The following CTBS variants were observed in gnomAD, a reference collection of about 807,000 sequenced individuals.
CTBS encodes chitobiase.
CTBS carries 35 observed loss-of-function variants against 44.3 expected under a neutral mutation model. That is an observed-to-expected ratio of 0.79 (90% CI 0.60 to 1.05). The LOEUF (loss-of-function observed/expected upper bound fraction) is 1.05. Among genes scored for constraint, CTBS ranks in the 50% least tolerant of loss-of-function variants. The probability of loss-of-function intolerance (pLI) is 0.00; values close to 1 mark genes in which losing one functional copy is unlikely to be tolerated. For synonymous variants in CTBS, 143 were observed against 168.0 expected, an observed-to-expected ratio of 0.85 and a Z score of 1.15; for missense variants, 458 against 475.3, an observed-to-expected ratio of 0.96 and a Z score of 0.34.
At chr1:84,560,341 CT>C (rs1303728919) in intron 6 of CTBS, among the ~76,000 whole-genome samples, 12 of 152,076 alleles carry the variant, frequency 7.9e-5, no homozygotes. Context: ...AGAAGAAATC[CT>C]TCACAGAGAG....
rs963836864 is a variant in CTBS, at chr1:84,553,694, C to T, written c.*1305G>A. The T allele has an allele frequency of 6.6e-6, 1 of 152,050 alleles. No individual in the cohort carries two copies. The highest frequency in any genetic ancestry group is 6.6e-5 in the Admixed American group (1 of 15,264). The allele number at this position is 152,050 out of a possible 1,614,324, so 9.4% of individuals were successfully genotyped here. On this transcript the variant is annotated 3_prime_UTR_variant, in exon 7 of 7. Coordinates refer to ENST00000370630, the MANE Select transcript of CTBS (RefSeq NM_004388.3). The stretch of plus-strand genomic sequence containing the variant: ...ACATATACTATGAAAATGGTTTTTA[C>T]TCTGTCACAAACAATTGTGTAAATA...
intron 3 of CTBS, among the ~76,000 whole-genome samples, chr1:84,568,121 A>C (rs1040955305): frequency 1.3e-5 from 2 of 152,230 alleles, no homozygotes; most frequent in Admixed American, 6.5e-5. Context: ...TGAACTTGAC[A>C]TGTAGCCCAA....
intron 6 of CTBS, among the ~76,000 whole-genome samples, chr1:84,557,180 T>C (rs930453602): frequency 6.6e-6 from 1 of 151,918 alleles, no homozygotes; most frequent in African/African-American, 2.4e-5. Flanking sequence ...CCCAATAGAG[T>C]GATTCTCTTC....
In CTBS at chr1:84,574,313, G is replaced by A. The variant is rs1440677584; in HGVS notation, c.103C>T (p.Leu35Phe). The change falls in exon 1 of 7, where the codon CTC becomes TTC. Residue 35 changes from leucine (L) to phenylalanine (F), a missense_variant. Leu to Phe is a conservative substitution (Grantham distance 22). Transcript: ENST00000370630. ...CATGGGCAGTCGGTCCCGGCCGCGA[G>A]CCGCAGCGCCAGCAGCGCCAGCAGC... ...LALLALLALR[L>F]AAGTDCPCPE... 6.5e-7 allele frequency: 1 copy of A among 1,550,376 alleles called. No individual in the cohort carries two copies. The highest frequency in any genetic ancestry group is 1.7e-5 in the African/African-American group (1 of 60,562).
In CTBS at chr1:84,569,988, T is replaced by G. The variant is rs760689469; in HGVS notation, c.468A>C (p.Leu156Phe). The G allele has an allele frequency of 6.2e-7, 1 of 1,613,366 alleles. No individual in the cohort carries two copies. Among genetic ancestry groups the G allele is most frequent in the South Asian group, 1.1e-5 (1 of 91,038 alleles). The change falls in exon 3 of 7, where the codon TTA (leucine) becomes TTC (phenylalanine). Residue 156 changes from leucine (L) to phenylalanine (F), a missense_variant. By Grantham distance (22) the Leu-to-Phe change is conservative. Transcript: ENST00000370630. ...VNCLSPEYDA[L>F]TALVKETTDS... ...CTGTAGTTTCTTTGACTAAAGCAGTTAATGCATCATATTCAGGTGATAAAC... is the reference window on the plus strand; with the variant it reads ...CTGTAGTTTCTTTGACTAAAGCAGTGAATGCATCATATTCAGGTGATAAAC...
chr1:84,558,818 T>C (rs1369027787), intron 6 of CTBS, among the ~76,000 whole-genome samples: 1 of 151,970 alleles, frequency 6.6e-6, no homozygotes, highest in Non-Finnish European at 1.5e-5. Flanking sequence ...GGAGGATTGC[T>C]TGAGCCCAAG....
At position 84,553,124 on chromosome 1, in the gene CTBS, G is replaced by T; in HGVS notation, c.*1875C>A. 1 of 1,450,460 alleles carries T rather than the reference G, an allele frequency of 6.9e-7. No individual in the cohort carries two copies. Among genetic ancestry groups the T allele is most frequent in the South Asian group, 1.4e-5 (1 of 73,752 alleles). 89.8% of individuals were successfully genotyped at this position (1,450,460 alleles called of 1,614,324 possible). On this transcript the variant is annotated 3_prime_UTR_variant, in exon 7 of 7. Coordinates refer to ENST00000370630, the MANE Select transcript of CTBS (RefSeq NM_004388.3). The stretch of plus-strand genomic sequence containing the variant: ...TAATACATCTCTACAATCTCAATTA[G>T]GTATGTTAATTTAAAACTTTTATTT...
chr1:84,562,419 A>T (rs1477358219), intron 6 of CTBS, among the ~76,000 whole-genome samples: 1 of 152,238 alleles, frequency 6.6e-6, no homozygotes, highest in African/African-American at 2.4e-5. Context: ...ACACATGTAT[A>T]TCAATTATAA....
chr1:84,573,286 GC>G (rs1647371156), intron 1 of CTBS, among the ~76,000 whole-genome samples: 1 of 152,176 alleles, frequency 6.6e-6, no homozygotes, highest in Non-Finnish European at 1.5e-5. Flanking sequence ...GCCTATAAAA[GC>G]CCATGCTACT....
At chr1:84,563,619 T>C in intron 5 of CTBS, 116 bp downstream of exon 5, 1 of 695,344 alleles carries the variant, frequency 1.4e-6, no homozygotes, top group African/African-American at 1.9e-5. Context: ...AATAAATAAT[T>C]TTTATCTCAA....
At chr1:84,557,828 AGCGTGG>A (rs1272188001) in intron 6 of CTBS, among the ~76,000 whole-genome samples, 2 of 150,964 alleles carry the variant, frequency 1.3e-5, no homozygotes, top group Non-Finnish European at 2.9e-5. Flanking sequence ...ACTGCACACC[AGCGTGG>A]GCGACATAGT....
chr1:84,556,918 A>G (rs1420882937), intron 6 of CTBS, among the ~76,000 whole-genome samples: 2 of 152,206 alleles, frequency 1.3e-5, no homozygotes, highest in South Asian at 2.1e-4. Flanking sequence ...GGCAACTTGT[A>G]GAACTTGTAC....
At position 84,563,278 on chromosome 1, in the gene CTBS, C is replaced by T. The variant is rs753024473; in HGVS notation, c.936G>A (p.Arg312=). ...ISGNLWDKDQ[R]APYYNYKDPA... The stretch of plus-strand genomic sequence containing the variant: ...TTACTTTATAGTTATAATAAGGAGC[C>T]CGCTGATCTTTATCCCATAGGTTTC... Residue 312 remains arginine (R), a synonymous_variant, in exon 6 of 7, where the codon CGG becomes CGA. Coordinates refer to ENST00000370630, the MANE Select transcript of CTBS (RefSeq NM_004388.3). 10 of 1,565,890 alleles carry T rather than the reference C, an allele frequency of 6.4e-6. No individual in the cohort carries two copies. In the South Asian group the frequency reaches 8.3e-5, roughly 13 times the overall value.
At position 84,554,929 on chromosome 1, in the gene CTBS, A is replaced by C. The variant is rs945962764; in HGVS notation, c.*70T>G. 16 of 1,243,488 alleles carry C rather than the reference A, an allele frequency of 1.3e-5. No individual in the cohort carries two copies. The highest frequency in any genetic ancestry group is 1.1e-6 in the Non-Finnish European group (1 of 878,112). 77.0% of individuals were successfully genotyped at this position (1,243,488 alleles called of 1,614,324 possible). On this transcript the variant is annotated 3_prime_UTR_variant, in exon 7 of 7. Coordinates refer to ENST00000370630, the MANE Select transcript of CTBS (RefSeq NM_004388.3). ...TAACAAAAGTATATAGCAACATAAT[A>C]AAAATGCAAGAAACTAGATCTGTTG...
rs1684267756 is a variant in CTBS at position 84,551,401 on chromosome 1, G to A, written c.*3598C>T. On this transcript the variant is annotated 3_prime_UTR_variant, in exon 7 of 7. Coordinates refer to ENST00000370630, the MANE Select transcript of CTBS (RefSeq NM_004388.3). Reference sequence around the variant, plus strand: ...AATAAAATTTAAAAATAAAAAAATAGAATTAGCACTGTCCAACAGAACTTA... The same window carrying A: ...AATAAAATTTAAAAATAAAAAAATAAAATTAGCACTGTCCAACAGAACTTA... 1 of 589,212 alleles carries A rather than the reference G, an allele frequency of 1.7e-6. No individual in the cohort carries two copies. Among genetic ancestry groups the A allele is most frequent in the Admixed American group, 6.3e-5 (1 of 15,750 alleles). 36.5% of individuals were successfully genotyped at this position (589,212 alleles called of 1,614,324 possible). A position where few individuals can be genotyped will look rare whatever the true frequency, so the allele number is the denominator to read the frequency against.
At chr1:84,557,759 A>G (rs1239295862) in intron 6 of CTBS, among the ~76,000 whole-genome samples, 4 of 145,934 alleles carry the variant, frequency 2.7e-5, no homozygotes, top group African/African-American at 7.6e-5. Flanking sequence ...TTGGGAGGCT[A>G]AGGCAGGAGA....
intron 6 of CTBS, among the ~76,000 whole-genome samples, chr1:84,562,799 A>G (rs1472572404): frequency 6.6e-6 from 1 of 152,148 alleles, no homozygotes; most frequent in Non-Finnish European, 1.5e-5. Flanking sequence ...TGAAAATGAT[A>G]GTTTTTCCAT....
chr1:84,570,875 AG>A lies in CTBS; in HGVS notation c.178-156del, dbSNP rs548227679. 1.9e-3 allele frequency among the ~76,000 whole-genome samples: 282 copies of A among 152,314 alleles called. 1 individual carries two copies. The highest frequency in any genetic ancestry group is 6.2e-3 in the African/African-American group (257 of 41,578). ...TAGGGGTCCCAAGATAATTGGTGGC[AG>A]GGGTAATTAGCCAGGCTGGGAAAGA... On this transcript the variant is annotated intron_variant, in intron 1 of 6. Transcript: ENST00000370630.
chr1:84,573,448 C>A (rs1362790323), intron 1 of CTBS, among the ~76,000 whole-genome samples: 4 of 152,214 alleles, frequency 2.6e-5, no homozygotes, highest in African/African-American at 9.6e-5. Context: ...TCCATAAACA[C>A]TTTCACCATT....
Sources: allele counts gnomAD v4.1 joint callset (sites outside exome capture counted in the v4.1 genomes callset), GRCh38; gene constraint gnomAD v4.1.1; transcripts MANE v1.5; gene names NCBI Gene and HGNC (gene_info 2026-07-23, HGNC 2026-07-21).